Variants in CEACAM19 observed in about 807,000 individuals in gnomAD.
The protein encoded by CEACAM19 is CEA cell adhesion molecule 19.
In CEACAM19, 37 loss-of-function variants were observed where a neutral mutation model predicts 37.6. The ratio of observed to expected loss-of-function variants is 0.98; its 90% CI spans 0.76 to 1.29. The LOEUF (loss-of-function observed/expected upper bound fraction) is 1.29, where lower values mean the gene tolerates loss of function less well. CEACAM19 is among the 50% of genes most tolerant of loss of function. The probability of loss-of-function intolerance (pLI) is 0.00; values close to 1 mark genes in which losing one functional copy is unlikely to be tolerated. For synonymous variants in CEACAM19, 140 were observed against 149.8 expected, an observed-to-expected ratio of 0.93 and a Z score of 0.48; for missense variants, 340 against 375.6, an observed-to-expected ratio of 0.91 and a Z score of 0.78.
rs756515763 is a variant in CEACAM19, at chr19:44,672,791, T to C, written c.251T>C (p.Ile84Thr). 1 of 1,588,368 alleles carries C rather than the reference T, an allele frequency of 6.3e-7. No individual in the cohort carries two copies. Among genetic ancestry groups the C allele is most frequent in the Non-Finnish European group, 8.6e-7 (1 of 1,166,420 alleles). The change falls in exon 2 of 8, where the codon ATA (isoleucine) becomes ACA (threonine). Residue 84 changes from isoleucine to threonine, a missense_variant. By Grantham distance (89) the Ile-to-Thr change is moderately conservative. Transcript: ENST00000358777. ...GTRLFTYIPG[I>T]QRPQRDGSAM... is the part of the protein sequence containing the mutation. ...AGGCTATTTACCTACATCCCTGGGA[T>C]ACAACGGCCTCAGAGGGATGGCAGT...
Position 44,676,354 on chromosome 19 carries a change from G to A in CEACAM19, c.508G>A (p.Gly170Arg), listed in dbSNP as rs755153473. The change falls in exon 3 of 8, where the codon GGG (glycine) becomes AGG (arginine). Residue 170 changes from glycine (G) to arginine (R), a missense_variant. Physicochemically the swap from Gly to Arg is moderately radical, Grantham distance 125. Coordinates refer to ENST00000358777, the MANE Select transcript of CEACAM19 (RefSeq NM_001127893.3). ...AATIIGSLAA[G>R]ALLISCIAYL... ...CACCATCATTGGATCTCTTGCTGCCGGGGCCCTTCTCATCAGCTGCATTGC... is the reference window on the plus strand; with the variant it reads ...CACCATCATTGGATCTCTTGCTGCCAGGGCCCTTCTCATCAGCTGCATTGC... 64 of 1,613,884 alleles carry A rather than the reference G, an allele frequency of 4.0e-5. No homozygotes were observed. Among genetic ancestry groups the A allele is most frequent in the Non-Finnish European group, 4.5e-5 (53 of 1,180,008 alleles).
At chr19:44,682,271 A>G (rs1974074224) in intron 6 of CEACAM19, among the ~76,000 whole-genome samples, 1 of 152,228 alleles carries the variant, frequency 6.6e-6, no homozygotes, top group Admixed American at 6.5e-5. Flanking sequence ...GTGAAAAATA[A>G]GAGAAACATA....
intron 2 of CEACAM19, among the ~76,000 whole-genome samples, chr19:44,674,503 C>T (rs890284528): frequency 1.3e-5 from 2 of 151,950 alleles, no homozygotes; most frequent in African/African-American, 2.4e-5. Flanking sequence ...TGGGCTCAAG[C>T]GATCCTCCCA....
chr19:44,678,648 T>C, intron 3 of CEACAM19: 2 of 539,382 alleles, frequency 3.7e-6, no homozygotes, highest in Non-Finnish European at 6.1e-6. Context: ...TGAACTCAGG[T>C]GATCTGCCCA....
intron 7 of CEACAM19, 39 bp from the exon 8 acceptor site, chr19:44,683,398 C>T (rs1169255909): frequency 1.3e-5 from 12 of 956,172 alleles, no homozygotes; most frequent in Non-Finnish European, 1.9e-5. Flanking sequence ...TCTCCCCCTC[C>T]ACCCAGTCAT....
In CEACAM19 at chr19:44,683,506, G is replaced by A; in HGVS notation, c.*16G>A. ...AACTTCCTGATGGGTCCTGGGCCAG[G>A]CCAGCCAGGGAGAAGACAAGGCCCC... On this transcript the variant is annotated 3_prime_UTR_variant, in exon 8 of 8. Coordinates refer to ENST00000358777, the MANE Select transcript of CEACAM19 (RefSeq NM_001127893.3). 1 of 1,515,756 alleles carries A rather than the reference G, an allele frequency of 6.6e-7. No homozygotes were observed. 93.9% of individuals were successfully genotyped at this position (1,515,756 alleles called of 1,614,324 possible).
upstream of CEACAM19, among the ~76,000 whole-genome samples, chr19:44,669,453 C>CT (rs1183605795): frequency 1.3e-5 from 2 of 151,936 alleles, no homozygotes; most frequent in African/African-American, 2.4e-5. Context: ...CCACATATGA[C>CT]TAATAGCTAT....
Position 44,683,712 on chromosome 19 carries a change from C to T in CEACAM19, c.*222C>T, listed in dbSNP as rs560968912. 6.5e-5 allele frequency: 26 copies of T among 401,330 alleles called. No homozygotes were observed. The highest frequency in any genetic ancestry group is 5.1e-4 in the South Asian group (5 of 9,780). 24.9% of individuals were successfully genotyped at this position (401,330 alleles called of 1,614,324 possible). ...CAGCCCGTGAATGCACGCCCGCCTTCGGTCTGTTCCTTCAAGCAAGCTGGC... is the reference window on the plus strand; with the variant it reads ...CAGCCCGTGAATGCACGCCCGCCTTTGGTCTGTTCCTTCAAGCAAGCTGGC... On this transcript the variant is annotated 3_prime_UTR_variant, in exon 8 of 8. Transcript: ENST00000358777.
chr19:44,678,699 C>A, intron 3 of CEACAM19, 154 bp from the exon 4 acceptor site: 1 of 1,096,586 alleles, frequency 9.1e-7, no homozygotes. Flanking sequence ...GCATGAGCCA[C>A]TGAGCCCAAT....
chr19:44,678,914 C>T lies in CEACAM19; in HGVS notation c.637C>T (p.Pro213Ser). 1 of 1,614,016 alleles carries T rather than the reference C, an allele frequency of 6.2e-7. No individual in the cohort carries two copies. Residue 213 changes from proline to serine, a missense_variant, in exon 4 of 8, where the codon CCT (proline) becomes TCT (serine). By Grantham distance (74) the Pro-to-Ser change is moderately conservative (BLOSUM62 -1). Transcript: ENST00000358777. ...CTTGTGCTCGGCTGTATCCCCAGTG[C>T]CTTCAGTGACGCCCAGCACATGGTT... ...SILCSAVSPV[P>S]SVTPSTWMAT...
rs1183066009 is a variant in CEACAM19 at position 44,683,836 on chromosome 19, G to A, written c.*346G>A. 8.2e-6 allele frequency: 2 copies of A among 243,322 alleles called. No individual in the cohort carries two copies. The highest frequency in any genetic ancestry group is 7.6e-5 in the East Asian group (1 of 13,228). The allele number at this position is 243,322 out of a possible 1,614,324, so 15.1% of individuals were successfully genotyped here. A position where few individuals can be genotyped will look rare whatever the true frequency, so the allele number is the denominator to read the frequency against. ...GGGACAAGATGGTGGCCTCAGGCCT[G>A]CCTCCCAGGCAGTTGGCTGGGCTCC... is the stretch of plus-strand genomic sequence containing the variant. On this transcript the variant is annotated 3_prime_UTR_variant, in exon 8 of 8. Transcript: ENST00000358777.
At chr19:44,679,263 G>C (rs1310216014) in intron 4 of CEACAM19, among the ~76,000 whole-genome samples, 1 of 152,172 alleles carries the variant, frequency 6.6e-6, no homozygotes, top group East Asian at 1.9e-4. Flanking sequence ...AATGTGCTGG[G>C]AGTATAGTCA....
chr19:44,668,911 C>T (rs1338376962), upstream of CEACAM19, among the ~76,000 whole-genome samples: 1 of 144,092 alleles, frequency 6.9e-6, no homozygotes, highest in Non-Finnish European at 1.5e-5. Flanking sequence ...CCTCCACCTC[C>T]CAGGTTCAAG....
upstream of CEACAM19, among the ~76,000 whole-genome samples, chr19:44,670,307 A>G (rs1415797004): frequency 6.6e-6 from 1 of 150,956 alleles, no homozygotes; most frequent in East Asian, 1.9e-4. Context: ...TGGGCAACAG[A>G]GCGAGACCCT....
chr19:44,683,740 G>A lies in CEACAM19; in HGVS notation c.*250G>A. 1 of 387,980 alleles carries A rather than the reference G, an allele frequency of 2.6e-6. No homozygotes were observed. The highest frequency in any genetic ancestry group is 4.6e-6 in the Non-Finnish European group (1 of 218,914). 24.0% of individuals were successfully genotyped at this position (387,980 alleles called of 1,614,324 possible). A position where few individuals can be genotyped will look rare whatever the true frequency, so the allele number is the denominator to read the frequency against. On this transcript the variant is annotated 3_prime_UTR_variant, in exon 8 of 8. Transcript: ENST00000358777. ...TCTGTTCCTTCAAGCAAGCTGGCCT[G>A]GGCCATGTGCCTGTGAAAGGCAGGC... is the stretch of plus-strand genomic sequence containing the variant.
chr19:44,668,673 ATAT>A (rs1478602129), upstream of CEACAM19, among the ~76,000 whole-genome samples: 1 of 61,946 alleles, frequency 1.6e-5, no homozygotes, highest in Non-Finnish European at 2.8e-5. Flanking sequence ...TTATATACAT[ATAT>A]TATATATTAT....
At chr19:44,668,762 AT>A, upstream of CEACAM19, among the ~76,000 whole-genome samples, 3 of 113,702 alleles carry the variant, frequency 2.6e-5, no homozygotes, top group African/African-American at 7.1e-5. Context: ...AATATAATAT[AT>A]ATAATATAAT....
Position 44,676,336 on chromosome 19 carries a change from A to T in CEACAM19, c.490A>T (p.Ile164Phe), listed in dbSNP as rs376519491. 4.2e-5 allele frequency: 68 copies of T among 1,614,084 alleles called. No homozygotes were observed. In the African/African-American group the frequency reaches 6.4e-4, roughly 15 times the overall value. ...CGCTGGGATCCTGGCGGCCACCATC[A>T]TTGGATCTCTTGCTGCCGGGGCCCT... Reference protein sequence around the residue: ...TNAGILAATIIGSLAAGALLI... With the variant: ...TNAGILAATIFGSLAAGALLI... Residue 164 changes from isoleucine (I) to phenylalanine (F), a missense_variant, in exon 3 of 8, where the codon ATT becomes TTT. Ile to Phe is a conservative substitution (Grantham distance 21). Transcript: ENST00000358777.
chr19:44,667,788 A>ATATATAAAT (rs1422965625), upstream of CEACAM19, among the ~76,000 whole-genome samples: 384 of 72,512 alleles, frequency 5.3e-3, 7 homozygotes, highest in African/African-American at 0.023. Flanking sequence ...ATATATAAAT[A>ATATATAAAT]TATATAAATT....
Sources: gnomAD v4.1 joint callset for allele counts (sites outside exome capture counted in the v4.1 genomes callset) on GRCh38, gnomAD v4.1.1 for gene constraint, MANE v1.5 for transcripts, NCBI Gene and HGNC (gene_info 2026-07-23, HGNC 2026-07-21) for gene names.